Variants in NLN observed in about 807,000 individuals in gnomAD.
The protein encoded by NLN is neurolysin, mitochondrial.
Under a neutral mutation model 79.9 loss-of-function variants are expected in NLN, and 64 were observed. The observed-to-expected ratio is 0.80, with a 90% CI of 0.65 to 0.99. NLN has a LOEUF of 0.99. Among genes scored for constraint, NLN ranks in the 50% least tolerant of loss-of-function variants. The pLI is 0.00. For synonymous variants in NLN, 267 were observed against 296.6 expected, an observed-to-expected ratio of 0.90 and a Z score of 1.02; for missense variants, 835 against 858.7, an observed-to-expected ratio of 0.97 and a Z score of 0.34.
In NLN at chr5:65,809,518, G is replaced by T. The variant is rs1202517346; in HGVS notation, c.1531G>T (p.Asp511Tyr). 4 of 1,594,120 alleles carry T rather than the reference G, an allele frequency of 2.5e-6. No individual in the cohort carries two copies. Among genetic ancestry groups the T allele is most frequent in the Non-Finnish European group, 3.4e-6 (4 of 1,173,664 alleles). ...HVMHQICAQTDFARFSGTNVE... is the reference protein window; with the variant it reads ...HVMHQICAQTYFARFSGTNVE... ...ATTCTCTGTGTTTGCTTTCTAGACT[G>T]ATTTTGCACGATTTAGCGGAACAAA... Residue 511 changes from aspartate to tyrosine, a missense_variant, in exon 10 of 13, where the codon GAT becomes TAT. Coordinates refer to ENST00000380985, the MANE Select transcript of NLN (RefSeq NM_020726.5).
chr5:65,724,244 C>T (rs898801738), intron 1 of NLN, among the ~76,000 whole-genome samples: 10 of 152,134 alleles, frequency 6.6e-5, no homozygotes, highest in African/African-American at 2.4e-4. Flanking sequence ...GTACCTATTA[C>T]ACAATAACTG....
At chr5:65,771,738 C>T (rs547914461) in intron 3 of NLN, among the ~76,000 whole-genome samples, 20 of 152,140 alleles carry the variant, frequency 1.3e-4, no homozygotes, top group East Asian at 1.9e-4. Context: ...CAGAACCGAC[C>T]GGGTATAGTG....
intron 3 of NLN, among the ~76,000 whole-genome samples, chr5:65,767,438 G>A (rs1210278355): frequency 6.6e-6 from 1 of 152,326 alleles, no homozygotes; most frequent in East Asian, 1.9e-4. Flanking sequence ...GGGATGCAGG[G>A]CACTATGTCC....
chr5:65,773,240 T>C (rs1759609176), intron 3 of NLN, among the ~76,000 whole-genome samples: 1 of 145,270 alleles, frequency 6.9e-6, no homozygotes, highest in African/African-American at 2.5e-5. Context: ...CAAGCAATCC[T>C]CCCACCTCAG....
chr5:65,822,291 C>T (rs982847933), intron 12 of NLN, among the ~76,000 whole-genome samples: 1 of 152,226 alleles, frequency 6.6e-6, no homozygotes, highest in Non-Finnish European at 1.5e-5. Flanking sequence ...CCCTTCTTCT[C>T]TCATCCATAA....
At chr5:65,773,811 C>T (rs1165546927) in intron 3 of NLN, among the ~76,000 whole-genome samples, 1 of 152,010 alleles carries the variant, frequency 6.6e-6, no homozygotes, top group African/African-American at 2.4e-5. Context: ...GATGTGGTGG[C>T]ATGTGCCTGT....
intron 9 of NLN, among the ~76,000 whole-genome samples, chr5:65,797,357 T>G (rs958548788): frequency 4.6e-5 from 7 of 152,352 alleles, no homozygotes; most frequent in African/African-American, 1.7e-4. Flanking sequence ...AACTTCAAAT[T>G]GTGTGACATG....
At chr5:65,735,791 C>T (rs1423663638) in intron 1 of NLN, among the ~76,000 whole-genome samples, 1 of 152,174 alleles carries the variant, frequency 6.6e-6, no homozygotes, top group Non-Finnish European at 1.5e-5. Context: ...CCCAGCTTCT[C>T]CTCTCACTCA....
intron 1 of NLN, among the ~76,000 whole-genome samples, chr5:65,739,108 C>T (rs1286133492): frequency 5.7e-5 from 8 of 141,020 alleles, no homozygotes; most frequent in Non-Finnish European, 1.1e-4. Flanking sequence ...TCACCATGTT[C>T]GCCAGGCTGG....
intron 3 of NLN, among the ~76,000 whole-genome samples, chr5:65,765,889 A>C (rs1012926982): frequency 6.6e-6 from 1 of 152,210 alleles, no homozygotes. Context: ...AATTGGATAT[A>C]AAATGTTATT....
intron 1 of NLN, chr5:65,733,655 G>A (rs1431319411): frequency 1.4e-6 from 2 of 1,474,708 alleles, no homozygotes; most frequent in Non-Finnish European, 1.9e-6. Context: ...TTTGCTCTTA[G>A]GGAAGGCCTG....
At chr5:65,782,218 T>C (rs1469471495) in intron 6 of NLN, among the ~76,000 whole-genome samples, 1 of 152,182 alleles carries the variant, frequency 6.6e-6, no homozygotes, top group Non-Finnish European at 1.5e-5. Flanking sequence ...GCCCCCAGTT[T>C]TGCCCACAGG....
intron 10 of NLN, 142 bp downstream of exon 10, chr5:65,809,843 T>C: frequency 1.0e-6 from 1 of 959,616 alleles, no homozygotes; most frequent in Non-Finnish European, 1.5e-6. Context: ...ATTAAATATA[T>C]TGGAATAGGA....
chr5:65,767,708 C>T (rs566485806), intron 3 of NLN, among the ~76,000 whole-genome samples: 1 of 152,322 alleles, frequency 6.6e-6, no homozygotes, highest in Admixed American at 6.5e-5. Context: ...TGTTTATGCT[C>T]TGTCTTTCCT....
At chr5:65,773,882 G>A (rs1759622278) in intron 3 of NLN, among the ~76,000 whole-genome samples, 1 of 152,128 alleles carries the variant, frequency 6.6e-6, no homozygotes, top group Non-Finnish European at 1.5e-5. Flanking sequence ...GTTCAAGGCT[G>A]CAATGAGCCA....
intron 12 of NLN, among the ~76,000 whole-genome samples, chr5:65,816,065 T>C (rs1420440628): frequency 6.6e-6 from 1 of 152,050 alleles, no homozygotes; most frequent in Non-Finnish European, 1.5e-5. Flanking sequence ...ACAAAAACAA[T>C]GTATACCACG....
rs574949896 is a variant in NLN, at chr5:65,803,012, G to A, written c.1528-6503G>A. Among the ~76,000 whole-genome samples, 5 of 152,340 alleles carry A rather than the reference G, an allele frequency of 3.3e-5. No homozygotes were observed. In the South Asian group the frequency reaches 1.0e-3, roughly 32 times the overall value. ...TCAGCAGAGAGGAGACCCTGGAGTGGGTAGCTCCTCTCTGCAGCTGGTTGT... is the reference window on the plus strand; with the variant it reads ...TCAGCAGAGAGGAGACCCTGGAGTGAGTAGCTCCTCTCTGCAGCTGGTTGT... On this transcript the variant is annotated intron_variant, in intron 9 of 12. Coordinates refer to ENST00000380985, the MANE Select transcript of NLN (RefSeq NM_020726.5).
intron 1 of NLN, among the ~76,000 whole-genome samples, chr5:65,754,011 A>G (rs1759160990): frequency 6.6e-6 from 1 of 152,154 alleles, no homozygotes; most frequent in Admixed American, 6.6e-5. Flanking sequence ...CTCATCTGCC[A>G]TTTCTTGTAC....
Position 65,788,301 on chromosome 5 carries a change from A to G in NLN, c.1142A>G (p.Lys381Arg). 1 of 1,614,102 alleles carries G rather than the reference A, an allele frequency of 6.2e-7. No individual in the cohort carries two copies. The highest frequency in any genetic ancestry group is 8.5e-7 in the Non-Finnish European group (1 of 1,179,912). Residue 381 changes from lysine to arginine, a missense_variant, in exon 8 of 13, where the codon AAG becomes AGG. Coordinates refer to ENST00000380985, the MANE Select transcript of NLN (RefSeq NM_020726.5). The stretch of plus-strand genomic sequence containing the variant: ...TATTCCATAGACCAAGAGTTCCTCA[A>G]GGAATACTTCCCAATTGAGGTGGTC... ...LKYSIDQEFLKEYFPIEVVTE... is the reference protein window; with the variant it reads ...LKYSIDQEFLREYFPIEVVTE...
Sources: gnomAD v4.1 joint callset for allele counts (sites outside exome capture counted in the v4.1 genomes callset) on GRCh38, gnomAD v4.1.1 for gene constraint, MANE v1.5 for transcripts, NCBI Gene and HGNC (gene_info 2026-07-23, HGNC 2026-07-21) for gene names.